Variants in AFG2A observed in about 807,000 individuals in gnomAD.
AFG2A encodes the protein ATPase family gene 2 protein homolog A.
the AFG2A span, among the ~76,000 whole-genome samples, chr4:123,166,062 T>G: frequency 2.6e-5 from 4 of 152,228 alleles, no homozygotes; most frequent in Admixed American, 1.3e-4. Flanking sequence ...ATGCTGATTT[T>G]TTTACTTCAT....
the AFG2A span, among the ~76,000 whole-genome samples, chr4:123,307,060 AT>A: frequency 2.6e-5 from 4 of 152,186 alleles, no homozygotes; most frequent in African/African-American, 4.8e-5. Context: ...ACAGTCTGTG[AT>A]TCAAACTTGT....
the AFG2A span, among the ~76,000 whole-genome samples, chr4:123,209,032 C>G: frequency 6.6e-6 from 1 of 152,194 alleles, no homozygotes; most frequent in Admixed American, 6.5e-5. Flanking sequence ...GAGTTGATCA[C>G]TGATGACCAA....
chr4:123,302,359 G>A, the AFG2A span, among the ~76,000 whole-genome samples: 4 of 152,286 alleles, frequency 2.6e-5, no homozygotes, highest in African/African-American at 9.6e-5. Context: ...GCTATAGCTT[G>A]GATATCAGCC....
chr4:122,938,282 G>T, the AFG2A span: 1 of 1,485,606 alleles, frequency 6.7e-7, no homozygotes. Context: ...TTCTGTGTAG[G>T]GTTAATTCTT....
chr4:123,112,209 A>C, the AFG2A span, among the ~76,000 whole-genome samples: 1 of 152,198 alleles, frequency 6.6e-6, no homozygotes, highest in South Asian at 2.1e-4. Flanking sequence ...GGAAATGTTA[A>C]ATTAAAAGAT....
At chr4:123,132,941 C>T in the AFG2A span, among the ~76,000 whole-genome samples, 5 of 152,098 alleles carry the variant, frequency 3.3e-5, no homozygotes, top group East Asian at 5.8e-4. Context: ...CCACCACGCC[C>T]GGCTAATTTT....
At chr4:122,929,788 C>T in the AFG2A span, among the ~76,000 whole-genome samples, 1 of 152,108 alleles carries the variant, frequency 6.6e-6, no homozygotes, top group Admixed American at 6.5e-5. Flanking sequence ...ACTTGTAGCA[C>T]ATCACAGTTT....
chr4:123,187,599 G>T, the AFG2A span, among the ~76,000 whole-genome samples: 4 of 152,046 alleles, frequency 2.6e-5, no homozygotes, highest in African/African-American at 9.7e-5. Context: ...TTACTGATTA[G>T]ACATAATTGT....
At chr4:123,157,314 G>A in the AFG2A span, among the ~76,000 whole-genome samples, 8 of 151,868 alleles carry the variant, frequency 5.3e-5, no homozygotes, top group Non-Finnish European at 7.4e-5. Context: ...GTGAGCCACC[G>A]CACCCAGCCT....
At chr4:123,082,232 A>G in the AFG2A span, among the ~76,000 whole-genome samples, 1 of 151,970 alleles carries the variant, frequency 6.6e-6, no homozygotes, top group Admixed American at 6.6e-5. Flanking sequence ...GTTTTCTCTT[A>G]TGCTGTCTTC....
At chr4:123,181,340 G>A in the AFG2A span, among the ~76,000 whole-genome samples, 4 of 151,932 alleles carry the variant, frequency 2.6e-5, no homozygotes, top group Admixed American at 1.3e-4. Flanking sequence ...GGCCAACCAC[G>A]GTGATTCACA....
chr4:123,163,667 C>A, the AFG2A span, among the ~76,000 whole-genome samples: 1 of 152,166 alleles, frequency 6.6e-6, no homozygotes, highest in African/African-American at 2.4e-5. Flanking sequence ...CCTGGCTGGG[C>A]TCCACAGTCC....
At chr4:123,318,312 C>G in the AFG2A span, 1 of 152,182 alleles carries the variant, frequency 6.6e-6, no homozygotes, top group Non-Finnish European at 1.5e-5. Flanking sequence ...GACATTATGT[C>G]TGGGAATAAG....
chr4:123,004,887 T>C, the AFG2A span, among the ~76,000 whole-genome samples: 2 of 152,318 alleles, frequency 1.3e-5, no homozygotes, highest in African/African-American at 2.4e-5. Context: ...TTTAATATTT[T>C]TACTAAATCT....
chr4:123,285,100 C>T, the AFG2A span, among the ~76,000 whole-genome samples: 1 of 152,046 alleles, frequency 6.6e-6, no homozygotes, highest in South Asian at 2.1e-4. Context: ...TTCTCAAACC[C>T]TGGCAGTATG....
At chr4:123,098,735 A>G in the AFG2A span, among the ~76,000 whole-genome samples, 1 of 152,030 alleles carries the variant, frequency 6.6e-6, no homozygotes, top group Non-Finnish European at 1.5e-5. Flanking sequence ...CCTTCTGTAT[A>G]CATACCACAT....
the AFG2A span, among the ~76,000 whole-genome samples, chr4:123,081,877 G>C: frequency 6.6e-6 from 1 of 152,066 alleles, no homozygotes; most frequent in Non-Finnish European, 1.5e-5. Context: ...TTCATTTGCA[G>C]TTCCCTAATA....
At chr4:123,135,021 A>G in the AFG2A span, among the ~76,000 whole-genome samples, 1 of 152,204 alleles carries the variant, frequency 6.6e-6, no homozygotes, top group African/African-American at 2.4e-5. Context: ...AAATACTAGC[A>G]AACCATAGTC....
chr4:123,081,815 A>C, the AFG2A span, among the ~76,000 whole-genome samples: 1 of 152,130 alleles, frequency 6.6e-6, no homozygotes, highest in African/African-American at 2.4e-5. Flanking sequence ...TGGTGTTGGC[A>C]ACTTTCCTGA....
Sources: allele counts gnomAD v4.1 joint callset (sites outside exome capture counted in the v4.1 genomes callset), GRCh38; gene constraint gnomAD v4.1.1; transcripts MANE v1.5; gene names NCBI Gene and HGNC (gene_info 2026-07-23, HGNC 2026-07-21).